Variants in ADGRF1 observed in about 807,000 individuals in gnomAD.
ADGRF1 encodes adhesion G protein-coupled receptor F1.
A neutral mutation model predicts 87.2 loss-of-function variants in ADGRF1; 85 were observed. The observed-to-expected ratio is 0.97, with a 90% CI of 0.82 to 1.17. The LOEUF (loss-of-function observed/expected upper bound fraction) is 1.17, where lower values mean the gene tolerates loss of function less well. ADGRF1 is among the 50% of genes most tolerant of loss of function. ADGRF1 has a pLI of 0.00. For missense variants in ADGRF1, 1,169 were observed against 1,077.2 expected (o/e 1.09, Z -1.19); for synonymous variants, 430 against 408.8 (o/e 1.05, Z -0.63).
intron 7 of ADGRF1, chr6:47,020,502 CAAAAAA>C (rs748152209): frequency 8.8e-6 from 11 of 1,245,694 alleles, no homozygotes; most frequent in Non-Finnish European, 1.1e-5. Context: ...GACATTCTGT[CAAAAAA>C]AAAAAAAAAT....
At chr6:47,034,955 C>T (rs996301650) in intron 1 of ADGRF1, among the ~76,000 whole-genome samples, 1 of 152,202 alleles carries the variant, frequency 6.6e-6, no homozygotes, top group Non-Finnish European at 1.5e-5. Flanking sequence ...TCCTTCCTAA[C>T]GAGGATTCTG....
rs200517235 is a variant in ADGRF1 at position 47,009,518 on chromosome 6, G to A, written c.1917C>T (p.Val639=). The change falls in exon 11 of 15, where the codon GTC becomes GTT. Residue 639 remains valine, a synonymous_variant. Transcript: ENST00000371253. ...CCACTGTGGCACCAACAATAAACCA[G>A]ACATCAGCAATCAAGAGGGACAGGG... ...NIALSLLIAD[V]WFIVGATVDT... is the part of the protein sequence containing the mutation. 1.4e-3 allele frequency: 2,205 copies of A among 1,614,088 alleles called. 43 individuals are homozygous for A. In the South Asian group the frequency reaches 0.023, roughly 17 times the overall value.
chr6:47,007,368 C>T (rs779703123), intron 11 of ADGRF1, 74 bp from the exon 12 acceptor site: 62 of 842,676 alleles, frequency 7.4e-5, no homozygotes, highest in Non-Finnish European at 1.2e-4. Flanking sequence ...ATATGTAACA[C>T]TATTCAATCA....
At chr6:47,037,632 G>A (rs576897797) in intron 1 of ADGRF1, among the ~76,000 whole-genome samples, 1 of 152,064 alleles carries the variant, frequency 6.6e-6, no homozygotes, top group Non-Finnish European at 1.5e-5. Context: ...AGCCTCCTGG[G>A]TGGCTGGGAC....
intron 1 of ADGRF1, among the ~76,000 whole-genome samples, chr6:47,029,388 C>T (rs1255380590): frequency 6.6e-6 from 1 of 151,790 alleles, no homozygotes. Flanking sequence ...ACTTGCTTAA[C>T]ATTGCAATTA....
intron 11 of ADGRF1, 57 bp downstream of exon 11, chr6:47,008,888 G>A: frequency 6.7e-7 from 1 of 1,485,182 alleles, no homozygotes; most frequent in East Asian, 2.3e-5. Flanking sequence ...ACCTGCCTGA[G>A]TTCTCTACTT....
In ADGRF1 at chr6:47,005,896, ATAT is replaced by A. The variant is rs1317769282; in HGVS notation, c.2533-23_2533-21del. 4.4e-6 allele frequency: 7 copies of A among 1,575,788 alleles called. No individual in the cohort carries two copies. The Admixed American group carries it at 1.2e-4, about 27-fold the overall frequency. On this transcript the variant is annotated intron_variant, in intron 12 of 14. Coordinates refer to ENST00000371253, the MANE Select transcript of ADGRF1 (RefSeq NM_153840.4). ...TCGCAGCTATAAGGGCAACAAAGAAATATTGAGGAGATACACATACAATCATAC... is the reference window on the plus strand; with the variant it reads ...TCGCAGCTATAAGGGCAACAAAGAAATGAGGAGATACACATACAATCATAC...
intron 2 of ADGRF1, 27 bp from the exon 3 acceptor site, chr6:47,027,788 G>C: frequency 7.7e-7 from 1 of 1,303,156 alleles, no homozygotes; most frequent in Middle Eastern, 1.8e-4. Flanking sequence ...AAATAGTTAC[G>C]GTGAGACTTT....
chr6:47,032,405 A>G (rs982682495), intron 1 of ADGRF1, among the ~76,000 whole-genome samples: 5 of 152,242 alleles, frequency 3.3e-5, no homozygotes, highest in Non-Finnish European at 7.3e-5. Context: ...TTAGTTAAGT[A>G]TGCCTTGTGC....
At chr6:47,040,850 C>T (rs569469071) in intron 1 of ADGRF1, among the ~76,000 whole-genome samples, 1 of 152,332 alleles carries the variant, frequency 6.6e-6, no homozygotes, top group East Asian at 1.9e-4. Context: ...TTAGAAGGCA[C>T]ATTGTTGTGA....
At chr6:47,024,257 T>A (rs760341143) in intron 4 of ADGRF1, 40 bp from the exon 5 acceptor site, 2 of 1,474,392 alleles carry the variant, frequency 1.4e-6, no homozygotes, top group Non-Finnish European at 1.9e-6. Context: ...GATTCTGGTT[T>A]ATAAACTGAC....
chr6:46,999,656 GT>G lies in ADGRF1; in HGVS notation c.*565del, dbSNP rs1351452956. 1 of 152,468 alleles carries G rather than the reference GT, an allele frequency of 6.6e-6. No individual in the cohort carries two copies. The highest frequency in any genetic ancestry group is 1.5e-5 in the Non-Finnish European group (1 of 68,288). 9.4% of individuals were successfully genotyped at this position (152,468 alleles called of 1,614,324 possible). ...GGTTACAAAGCTATCTGAAATAGAA[GT>G]TTACATTTTATTTCTGATTAACTTT... On this transcript the variant is annotated 3_prime_UTR_variant, in exon 15 of 15. Transcript: ENST00000371253.
intron 5 of ADGRF1, 146 bp from the exon 6 acceptor site, chr6:47,022,204 A>G (rs890772229): frequency 5.3e-6 from 3 of 561,064 alleles, no homozygotes; most frequent in Admixed American, 3.8e-5. Flanking sequence ...CACCTAAAAT[A>G]ACACAGGATG....
chr6:47,006,145 T>C (rs542164337), intron 12 of ADGRF1, among the ~76,000 whole-genome samples: 2 of 152,138 alleles, frequency 1.3e-5, no homozygotes, highest in South Asian at 4.1e-4. Flanking sequence ...TAAACTGAAG[T>C]GTATCTTTGA....
chr6:47,005,913 A>G lies in ADGRF1; in HGVS notation c.2533-37T>C, dbSNP rs1223145735. ...ACAAAGAAATATTGAGGAGATACACATACAATCATACACAGACAAATCAAG... is the reference window on the plus strand; with the variant it reads ...ACAAAGAAATATTGAGGAGATACACGTACAATCATACACAGACAAATCAAG... On this transcript the variant is annotated intron_variant, in intron 12 of 14. Transcript: ENST00000371253. 3 of 1,360,504 alleles carry G rather than the reference A, an allele frequency of 2.2e-6. No individual in the cohort carries two copies. In the South Asian group the frequency reaches 3.6e-5, roughly 16 times the overall value. 84.3% of individuals were successfully genotyped at this position (1,360,504 alleles called of 1,614,324 possible).
chr6:47,038,934 G>A (rs144271796), intron 1 of ADGRF1, among the ~76,000 whole-genome samples: 274 of 152,294 alleles, frequency 1.8e-3, no homozygotes, highest in Non-Finnish European at 2.8e-3. Context: ...CGGGCTGCAT[G>A]CAGTACAAAC....
chr6:47,029,299 A>C (rs1346096256), intron 1 of ADGRF1, among the ~76,000 whole-genome samples, 195 bp from the exon 2 acceptor site: 1 of 151,852 alleles, frequency 6.6e-6, no homozygotes, highest in Non-Finnish European at 1.5e-5. Flanking sequence ...ATCATTACAA[A>C]CTTACTAGAA....
Position 46,999,377 on chromosome 6 carries a change from G to C in ADGRF1, c.*845C>G, listed in dbSNP as rs75242370. On this transcript the variant is annotated 3_prime_UTR_variant, in exon 15 of 15. Coordinates refer to ENST00000371253, the MANE Select transcript of ADGRF1 (RefSeq NM_153840.4). Reference sequence around the variant, plus strand: ...CTCAGAAAGATTTACTAGAGATGTAGGTAATTTTCAAGGCTTTTATTGGCT... The same window carrying C: ...CTCAGAAAGATTTACTAGAGATGTACGTAATTTTCAAGGCTTTTATTGGCT... 1.3e-5 allele frequency: 2 copies of C among 152,124 alleles called. No homozygotes were observed. The highest frequency in any genetic ancestry group is 4.8e-5 in the African/African-American group (2 of 41,536). 9.4% of individuals were successfully genotyped at this position (152,124 alleles called of 1,614,324 possible).
Position 47,020,770 on chromosome 6 carries a change from C to A in ADGRF1, c.572G>T (p.Arg191Ile), listed in dbSNP as rs753292636. The change falls in exon 7 of 15, where the codon AGA becomes ATA. Residue 191 changes from arginine to isoleucine, a missense_variant. Coordinates refer to ENST00000371253, the MANE Select transcript of ADGRF1 (RefSeq NM_153840.4). Reference protein sequence around the residue: ...IEIQLKKAYERIQGFESVQVT... With the variant: ...IEIQLKKAYEIIQGFESVQVT... ...CTGAACCGACTCAAAACCTTGAATT[C>A]TTTCATATGCTTTTTTAAGCTTAGA... 2 of 1,613,688 alleles carry A rather than the reference C, an allele frequency of 1.2e-6. No homozygotes were observed. Among genetic ancestry groups the A allele is most frequent in the South Asian group, 2.2e-5 (2 of 91,070 alleles).
Sources: allele counts gnomAD v4.1 joint callset (sites outside exome capture counted in the v4.1 genomes callset), GRCh38; gene constraint gnomAD v4.1.1; transcripts MANE v1.5; gene names NCBI Gene and HGNC (gene_info 2026-07-23, HGNC 2026-07-21).